SNTG2: variants seen among roughly 807,000 people sequenced by gnomAD.
SNTG2 encodes gamma-2-syntrophin.
In SNTG2, 74 loss-of-function variants were observed where a neutral mutation model predicts 70.9. That is an observed-to-expected ratio of 1.04 (90% CI 0.86 to 1.27). The LOEUF (loss-of-function observed/expected upper bound fraction) is 1.27, where lower values mean the gene tolerates loss of function less well. SNTG2 is among the 50% of genes most tolerant of loss of function. The pLI, the probability that SNTG2 is intolerant of heterozygous loss-of-function variation, is 0.00. For missense variants in SNTG2, 717 were observed against 690.7 expected (o/e 1.04, Z -0.43); for synonymous variants, 278 against 273.8 (o/e 1.02, Z -0.15).
intron 2 of SNTG2, among the ~76,000 whole-genome samples, chr2:1,091,374 G>T (rs890110562): frequency 8.5e-5 from 13 of 152,208 alleles, no homozygotes; most frequent in African/African-American, 3.1e-4. Context: ...AGCTTAGGGT[G>T]GAAAAGCCCT....
At chr2:1,259,995 G>A (rs766223010) in intron 13 of SNTG2, among the ~76,000 whole-genome samples, 28 of 152,162 alleles carry the variant, frequency 1.8e-4, no homozygotes, top group Non-Finnish European at 3.7e-4. Flanking sequence ...GCGACGATGC[G>A]CTCACCGTGG....
At position 1,222,021 on chromosome 2, in the gene SNTG2, GTCTCTGCCTA is replaced by G. The variant is rs1675096052; in HGVS notation, c.719+12798_719+12807del. Among the ~76,000 whole-genome samples, 126 of 41,816 alleles carry G rather than the reference GTCTCTGCCTA, an allele frequency of 3.0e-3. 37 individuals carry two copies. Among genetic ancestry groups the G allele is most frequent in the Non-Finnish European group, 5.8e-3 (82 of 14,078 alleles). The allele number at this position is 41,816 out of a possible 152,430, so 27.4% of individuals were successfully genotyped here. On this transcript the variant is annotated intron_variant, in intron 9 of 16. Coordinates refer to ENST00000308624, the MANE Select transcript of SNTG2 (RefSeq NM_018968.4). ...TCTCTGTCTCTCTCTGTCTCTCTCTGTCTCTGCCTATCTCTGTCTCTCTCTGTCTCTCTCT... is the reference window on the plus strand; with the variant it reads ...TCTCTGTCTCTCTCTGTCTCTCTCTGTCTCTGTCTCTCTCTGTCTCTCTCT...
At chr2:1,173,322 A>G (rs1362159519) in intron 8 of SNTG2, 139 bp downstream of exon 8, 2 of 826,246 alleles carry the variant, frequency 2.4e-6, no homozygotes, top group Non-Finnish European at 1.9e-6. Context: ...TACTTAGAAC[A>G]CAGATTGAAG....
chr2:1,256,831 G>C (rs1322197998), intron 12 of SNTG2, among the ~76,000 whole-genome samples: 1 of 152,108 alleles, frequency 6.6e-6, no homozygotes, highest in Non-Finnish European at 1.5e-5. Context: ...AGGGCCTCTG[G>C]GACTTGGAAG....
At chr2:1,131,711 G>C (rs2148314799) in intron 4 of SNTG2, among the ~76,000 whole-genome samples, 1 of 151,452 alleles carries the variant, frequency 6.6e-6, no homozygotes, top group East Asian at 1.9e-4. Context: ...GAGTGCAGTG[G>C]TGTGATCTCA....
chr2:1,110,993 T>C (rs954095754), intron 4 of SNTG2, among the ~76,000 whole-genome samples: 4 of 152,224 alleles, frequency 2.6e-5, no homozygotes, highest in Non-Finnish European at 4.4e-5. Flanking sequence ...GGTCTAACTT[T>C]CCTAACTGTG....
At chr2:1,015,206 A>G (rs74420484) in intron 1 of SNTG2, among the ~76,000 whole-genome samples, 3,389 of 152,224 alleles carry the variant, frequency 0.022, 114 homozygotes, top group African/African-American at 0.071. Context: ...AGCTGGGACC[A>G]TGTTGGTGGC....
At chr2:1,224,683 C>A (rs536055190) in intron 9 of SNTG2, among the ~76,000 whole-genome samples, 9 of 152,356 alleles carry the variant, frequency 5.9e-5, no homozygotes, top group South Asian at 2.1e-4. Context: ...TATCTGGAAA[C>A]GCAAAACTAT....
intron 1 of SNTG2, among the ~76,000 whole-genome samples, chr2:1,028,738 C>CTT (rs71392557): frequency 0.089 from 12,966 of 145,060 alleles, 705 homozygotes; most frequent in Middle Eastern, 0.13. Context: ...AGGCAACCTC[C>CTT]TTTTTTTTTT....
At chr2:1,073,729 C>CT (rs1663732479) in intron 1 of SNTG2, among the ~76,000 whole-genome samples, 1 of 152,042 alleles carries the variant, frequency 6.6e-6, no homozygotes, top group African/African-American at 2.4e-5. Flanking sequence ...ACATTAAAAC[C>CT]TTTTTTCCCT....
intron 16 of SNTG2, among the ~76,000 whole-genome samples, chr2:1,337,967 C>T (rs1659901051): frequency 6.6e-6 from 1 of 152,150 alleles, no homozygotes; most frequent in Non-Finnish European, 1.5e-5. Context: ...ACTGCTCATT[C>T]CCCATTGCAC....
At chr2:994,802 G>T (rs976982247) in intron 1 of SNTG2, among the ~76,000 whole-genome samples, 2 of 151,272 alleles carry the variant, frequency 1.3e-5, no homozygotes, top group Admixed American at 6.6e-5. Context: ...TATTCTCAGG[G>T]TTTTTATTCT....
At chr2:1,122,545 C>A (rs1453587354) in intron 4 of SNTG2, among the ~76,000 whole-genome samples, 2 of 148,914 alleles carry the variant, frequency 1.3e-5, no homozygotes, top group African/African-American at 5.2e-5. Flanking sequence ...AAAAATCTCA[C>A]CAGTTCAGGT....
intron 14 of SNTG2, among the ~76,000 whole-genome samples, chr2:1,292,226 AT>A (rs1680023039): frequency 6.6e-6 from 1 of 151,376 alleles, no homozygotes; most frequent in African/African-American, 2.4e-5. Flanking sequence ...TAATTCGTGT[AT>A]TCATTCTAAC....
chr2:1,242,263 C>T (rs1677102852), intron 11 of SNTG2, among the ~76,000 whole-genome samples: 2 of 152,240 alleles, frequency 1.3e-5, no homozygotes, highest in East Asian at 3.9e-4. Context: ...CTGAACAATT[C>T]ATTCTTGATT....
At chr2:1,365,025 C>T (rs1446257339) in intron 16 of SNTG2, among the ~76,000 whole-genome samples, 2 of 152,212 alleles carry the variant, frequency 1.3e-5, no homozygotes, top group Middle Eastern at 3.4e-3. Flanking sequence ...CACATACATA[C>T]ATTGAATTAC....
At chr2:1,154,175 G>A (rs540995330) in intron 6 of SNTG2, among the ~76,000 whole-genome samples, 2 of 152,174 alleles carry the variant, frequency 1.3e-5, no homozygotes, top group Admixed American at 6.5e-5. Flanking sequence ...GGGGAGAGGC[G>A]GGAGGAGCAT....
At chr2:1,077,006 T>C (rs1203666144) in intron 1 of SNTG2, among the ~76,000 whole-genome samples, 2 of 152,224 alleles carry the variant, frequency 1.3e-5, no homozygotes, top group African/African-American at 4.8e-5. Flanking sequence ...TATCATACTC[T>C]TCTGCTTTTC....
chr2:1,034,525 A>G (rs1457750754), intron 1 of SNTG2, among the ~76,000 whole-genome samples: 1 of 152,204 alleles, frequency 6.6e-6, no homozygotes, highest in Non-Finnish European at 1.5e-5. Flanking sequence ...ATCTTTGAGG[A>G]ATCACCACAC....
Sources: gnomAD v4.1 joint callset for allele counts (sites outside exome capture counted in the v4.1 genomes callset) on GRCh38, gnomAD v4.1.1 for gene constraint, MANE v1.5 for transcripts, NCBI Gene and HGNC (gene_info 2026-07-23, HGNC 2026-07-21) for gene names.